The following CLDN14 variants were observed in gnomAD, a reference collection of about 807,000 sequenced individuals.
CLDN14 encodes the protein claudin-14.
A neutral mutation model predicts 2.1 loss-of-function variants in CLDN14; 2 were observed. That is an observed-to-expected ratio of 0.96 (90% confidence interval 0.39 to 3.01). The LOEUF (loss-of-function observed/expected upper bound fraction) is 3.01, where lower values mean the gene tolerates loss of function less well. CLDN14 is among the 30% of genes most tolerant of loss of function. CLDN14 has a pLI of 0.09. For synonymous variants in CLDN14, 136 were observed against 154.4 expected (o/e 0.88, Z 0.88); for missense variants, 298 against 328.0 (o/e 0.91, Z 0.71).
At chr21:36,463,491 C>T (rs2086606255) in intron 1 of CLDN14, among the ~76,000 whole-genome samples, 1 of 152,176 alleles carries the variant, frequency 6.6e-6, no homozygotes, top group African/African-American at 2.4e-5. Flanking sequence ...GCGGGTGGAT[C>T]GCTTAAGGTC....
intron 2 of CLDN14, among the ~76,000 whole-genome samples, chr21:36,490,030 C>T (rs761178509): frequency 2.0e-5 from 3 of 152,178 alleles, no homozygotes; most frequent in Admixed American, 1.3e-4. Flanking sequence ...GTATCTCTTA[C>T]GGCTGAGGGA....
chr21:36,464,089 A>T (rs2086614444), intron 1 of CLDN14, among the ~76,000 whole-genome samples: 1 of 151,640 alleles, frequency 6.6e-6, no homozygotes, highest in Non-Finnish European at 1.5e-5. Flanking sequence ...ACGGGGGTGG[A>T]CCTCCCCCTT....
chr21:36,471,138 T>C (rs1024107619), intron 1 of CLDN14, among the ~76,000 whole-genome samples: 3 of 152,056 alleles, frequency 2.0e-5, no homozygotes, highest in African/African-American at 4.8e-5. Context: ...AAGGCCAAGG[T>C]GGGAGGACTG....
Position 36,489,122 on chromosome 21 carries a change from A to AAAAT in CLDN14, c.-82+21240_-82+21241insATTT, listed in dbSNP as rs1555847012. 2.2e-3 allele frequency among the ~76,000 whole-genome samples: 147 copies of AAAAT among 65,706 alleles called. 3 individuals are homozygous for AAAAT. Among genetic ancestry groups the AAAAT allele is most frequent in the Admixed American group, 3.6e-3 (18 of 5,062 alleles). The allele number at this position is 65,706 out of a possible 152,430, so 43.1% of individuals were successfully genotyped here. A position where few individuals can be genotyped will look rare whatever the true frequency, so the allele number is the denominator to read the frequency against. On this transcript the variant is annotated intron_variant, in intron 2 of 2. Coordinates refer to the CLDN14 transcript ENST00000342108. Reference sequence around the variant, plus strand: ...GAGTGAGAGTCTGTCTCAAAGAAAAAAAAAAAAAAATATATATATATATAT... The same window carrying AAAAT: ...GAGTGAGAGTCTGTCTCAAAGAAAAAAAATAAAAAAAAAATATATATATATATAT...
At chr21:36,563,740 C>T (rs2087653705) in intron 1 of CLDN14, among the ~76,000 whole-genome samples, 1 of 152,142 alleles carries the variant, frequency 6.6e-6, no homozygotes, top group Non-Finnish European at 1.5e-5. Flanking sequence ...ATGCGAAAGA[C>T]ACGTGGAGCC....
At chr21:36,475,351 G>A (rs219751) in intron 1 of CLDN14, among the ~76,000 whole-genome samples, 1 of 151,948 alleles carries the variant, frequency 6.6e-6, no homozygotes, top group Non-Finnish European at 1.5e-5. Context: ...TCTGTTCATC[G>A]TGGAGAAGTC....
upstream of CLDN14, among the ~76,000 whole-genome samples, chr21:36,481,999 C>G (rs529264445): frequency 4.7e-4 from 72 of 152,262 alleles, no homozygotes; most frequent in South Asian, 0.013. Context: ...GTCTCCAGCC[C>G]TTCTCTCCCA....
intron 1 of CLDN14, among the ~76,000 whole-genome samples, chr21:36,525,531 G>C (rs1474255336): frequency 6.6e-6 from 1 of 152,182 alleles, no homozygotes. Context: ...CACAACAGGG[G>C]ACACCAAAGA....
chr21:36,535,112 T>A (rs868589021), intron 1 of CLDN14, among the ~76,000 whole-genome samples: 1 of 152,192 alleles, frequency 6.6e-6, no homozygotes, highest in Non-Finnish European at 1.5e-5. Flanking sequence ...CTTTGTGGGC[T>A]GGGTGTGGTG....
chr21:36,512,721 A>G (rs1468252499), intron 1 of CLDN14, among the ~76,000 whole-genome samples: 2 of 152,208 alleles, frequency 1.3e-5, no homozygotes, highest in Non-Finnish European at 2.9e-5. Flanking sequence ...ATGCCTGTGA[A>G]CATATGTGTG....
At chr21:36,490,082 A>G (rs777230959) in intron 2 of CLDN14, among the ~76,000 whole-genome samples, 1 of 152,228 alleles carries the variant, frequency 6.6e-6, no homozygotes, top group African/African-American at 2.4e-5. Flanking sequence ...GCATCTCTCT[A>G]GATTGCCACG....
intron 1 of CLDN14, among the ~76,000 whole-genome samples, chr21:36,523,610 T>C (rs1283123059): frequency 6.6e-6 from 1 of 151,350 alleles, no homozygotes; most frequent in Non-Finnish European, 1.5e-5. Flanking sequence ...TAGCCATGCG[T>C]GGTGGTGTGC....
At chr21:36,512,298 C>T (rs2087192911) in intron 1 of CLDN14, among the ~76,000 whole-genome samples, 1 of 152,124 alleles carries the variant, frequency 6.6e-6, no homozygotes, top group Non-Finnish European at 1.5e-5. Context: ...TGTGTCCCTT[C>T]TACGAGCTGA....
chr21:36,553,402 G>T (rs1370970338), intron 1 of CLDN14, among the ~76,000 whole-genome samples: 4 of 152,160 alleles, frequency 2.6e-5, no homozygotes, highest in African/African-American at 9.7e-5. Context: ...GGCCCCTGGT[G>T]GTCTCTGGTC....
intron 1 of CLDN14, among the ~76,000 whole-genome samples, chr21:36,545,199 A>G (rs1305101327): frequency 2.3e-4 from 35 of 152,246 alleles, no homozygotes; most frequent in Admixed American, 2.3e-3. Flanking sequence ...TGGAGGGTTA[A>G]GAATTGATTT....
At chr21:36,540,010 A>G (rs2087473898) in intron 1 of CLDN14, among the ~76,000 whole-genome samples, 1 of 145,390 alleles carries the variant, frequency 6.9e-6, no homozygotes, top group African/African-American at 2.6e-5. Context: ...TATGTGATGT[A>G]TGTGTGTGGT....
intron 1 of CLDN14, among the ~76,000 whole-genome samples, chr21:36,476,855 G>C (rs2086786096): frequency 6.6e-6 from 1 of 152,260 alleles, no homozygotes. Context: ...GCCTGTGATA[G>C]TTTGATATAA....
chr21:36,476,717 C>A (rs2086784566), intron 1 of CLDN14, among the ~76,000 whole-genome samples: 1 of 152,248 alleles, frequency 6.6e-6, no homozygotes, highest in Non-Finnish European at 1.5e-5. Flanking sequence ...TCCCAAAGTG[C>A]TGGGATTGTA....
intron 1 of CLDN14, among the ~76,000 whole-genome samples, chr21:36,519,727 C>CA (rs755453511): frequency 8.0e-5 from 8 of 100,280 alleles, no homozygotes; most frequent in African/African-American, 1.8e-4. Flanking sequence ...ACAACAACAA[C>CA]AACAACAAAA....
Sources: allele counts gnomAD v4.1 joint callset (sites outside exome capture counted in the v4.1 genomes callset), GRCh38; gene constraint gnomAD v4.1.1; transcripts MANE v1.5; gene names NCBI Gene and HGNC (gene_info 2026-07-23, HGNC 2026-07-21).